FUBP3: variants seen among roughly 807,000 people sequenced by gnomAD.
FUBP3 encodes the protein far upstream element-binding protein 3.
In FUBP3, 28 loss-of-function variants were observed where a neutral mutation model predicts 85.6. The ratio of observed to expected loss-of-function variants is 0.33; its 90% CI spans 0.24 to 0.45. The LOEUF (loss-of-function observed/expected upper bound fraction) is 0.45. FUBP3 is among the 20% of genes least tolerant of loss of function. The pLI, the probability that FUBP3 is intolerant of heterozygous loss-of-function variation, is 1.00. For synonymous variants in FUBP3, 271 were observed against 271.4 expected, an observed-to-expected ratio of 1.00 and a Z score of 0.01; for missense variants, 583 against 755.1, an observed-to-expected ratio of 0.77 and a Z score of 2.67.
chr9:130,631,536 G>A (rs1189086094), intron 13 of FUBP3, 21 bp from the exon 14 acceptor site: 37 of 1,600,524 alleles, frequency 2.3e-5, no homozygotes, highest in Non-Finnish European at 3.2e-5. Context: ...GCGGGTGAGA[G>A]CTCCCTCTGT....
At chr9:130,594,446 G>C (rs999706087) in intron 1 of FUBP3, among the ~76,000 whole-genome samples, 19 of 152,134 alleles carry the variant, frequency 1.2e-4, no homozygotes, top group African/African-American at 4.6e-4. Context: ...AGCCGGGCGT[G>C]GTGGTGCATG....
intron 8 of FUBP3, 23 bp downstream of exon 8, chr9:130,617,918 G>A (rs1330979027): frequency 5.0e-6 from 6 of 1,193,552 alleles, no homozygotes; most frequent in East Asian, 2.3e-5. Flanking sequence ...CATGGGTTGG[G>A]TGAGTCCTGG....
chr9:130,629,942 A>G (rs552300366), intron 12 of FUBP3, among the ~76,000 whole-genome samples: 1 of 152,350 alleles, frequency 6.6e-6, no homozygotes, highest in Non-Finnish European at 1.5e-5. Flanking sequence ...CGCAAATTTC[A>G]TTAAGAGACT....
chr9:130,590,668 A>G (rs1200294384), intron 1 of FUBP3, among the ~76,000 whole-genome samples: 4 of 152,030 alleles, frequency 2.6e-5, no homozygotes, highest in African/African-American at 7.3e-5. Flanking sequence ...TTAAGTAACT[A>G]CTGTTTAAAA....
At position 130,636,994 on chromosome 9, in the gene FUBP3, C is replaced by T. The variant is rs765225778; in HGVS notation, c.1711-20C>T. The T allele has an allele frequency of 5.6e-6, 9 of 1,611,442 alleles. No individual in the cohort carries two copies. Among genetic ancestry groups the T allele is most frequent in the Non-Finnish European group, 7.6e-6 (9 of 1,177,604 alleles). On this transcript the variant is annotated intron_variant, in intron 18 of 18. Transcript: ENST00000319725. Reference sequence around the variant, plus strand: ...AGAACCTGCCATCACAGACTAATTCCTCTTCCCTTCCGCCCACAGGAGCAG... The same window carrying T: ...AGAACCTGCCATCACAGACTAATTCTTCTTCCCTTCCGCCCACAGGAGCAG...
intron 2 of FUBP3, among the ~76,000 whole-genome samples, chr9:130,599,842 C>G (rs1831064597): frequency 6.6e-6 from 1 of 152,154 alleles, no homozygotes; most frequent in Non-Finnish European, 1.5e-5. Context: ...CTCCAGTAAC[C>G]AGGGAGGTGC....
At chr9:130,599,837 G>A (rs1411961039) in intron 2 of FUBP3, among the ~76,000 whole-genome samples, 2 of 152,094 alleles carry the variant, frequency 1.3e-5, no homozygotes, top group Non-Finnish European at 2.9e-5. Context: ...CATTCCTCCA[G>A]TAACCAGGGA....
intron 2 of FUBP3, among the ~76,000 whole-genome samples, chr9:130,605,149 A>G (rs1257712261): frequency 6.6e-6 from 1 of 152,236 alleles, no homozygotes; most frequent in Non-Finnish European, 1.5e-5. Context: ...CTATGAATAT[A>G]CTATCATAGA....
intron 1 of FUBP3, among the ~76,000 whole-genome samples, chr9:130,583,183 ATT>A (rs1830205860): frequency 6.6e-6 from 1 of 152,148 alleles, no homozygotes; most frequent in Non-Finnish European, 1.5e-5. Flanking sequence ...ACTGGCACCT[ATT>A]TTGGGGAAAT....
chr9:130,628,999 C>T (rs1389837900), intron 12 of FUBP3, among the ~76,000 whole-genome samples: 1 of 152,200 alleles, frequency 6.6e-6, no homozygotes, highest in African/African-American at 2.4e-5. Flanking sequence ...GAACTCCCAA[C>T]CTCAGGTGAT....
chr9:130,587,076 G>T (rs2313604), intron 1 of FUBP3, among the ~76,000 whole-genome samples: 98,020 of 141,382 alleles, frequency 0.69, 34,675 homozygotes, highest in East Asian at 0.92. Context: ...TTGTTTGTTT[G>T]TTTTTTTGAG....
intron 1 of FUBP3, among the ~76,000 whole-genome samples, chr9:130,593,239 TA>T (rs1390290180): frequency 1.3e-5 from 2 of 152,222 alleles, no homozygotes; most frequent in Non-Finnish European, 2.9e-5. Flanking sequence ...TGGTAATGCT[TA>T]TCACCTGCTG....
chr9:130,608,513 G>A (rs372280930), intron 2 of FUBP3, among the ~76,000 whole-genome samples: 17 of 152,300 alleles, frequency 1.1e-4, no homozygotes, highest in Non-Finnish European at 1.5e-4. Context: ...CTGAGTCTGT[G>A]GTGAGGATTT....
chr9:130,605,329 G>A (rs1831366895), intron 2 of FUBP3, among the ~76,000 whole-genome samples: 1 of 152,200 alleles, frequency 6.6e-6, no homozygotes, highest in African/African-American at 2.4e-5. Context: ...CTGTCACAGT[G>A]CTCAGCACCT....
intron 2 of FUBP3, among the ~76,000 whole-genome samples, chr9:130,602,976 A>C (rs1168382696): frequency 6.6e-6 from 1 of 151,850 alleles, no homozygotes; most frequent in Non-Finnish European, 1.5e-5. Flanking sequence ...GGGTGGAAAA[A>C]TCCCCAAGCA....
At chr9:130,628,102 GCGCACA>G (rs1481289477) in intron 12 of FUBP3, among the ~76,000 whole-genome samples, 1 of 87,288 alleles carries the variant, frequency 1.1e-5, no homozygotes. Flanking sequence ...ACGCACGCAC[GCGCACA>G]CACACACACA....
rs1339980730 is a variant in FUBP3 at position 130,635,941 on chromosome 9, G to C, written c.1583-58G>C. 13 of 1,561,526 alleles carry C rather than the reference G, an allele frequency of 8.3e-6. No individual in the cohort carries two copies. The Admixed American group carries it at 2.0e-4, about 23-fold the overall frequency. ...GCAGATGCCCAGGGCCTTTGGGAAG[G>C]GTCCTGCCCAGTGCACCTCCGCTCC... On this transcript the variant is annotated intron_variant, in intron 17 of 18. Transcript: ENST00000319725. The surrounding 1 kb of genome is among the most constrained non-coding windows in gnomAD (Gnocchi z 4.3).
At chr9:130,608,334 G>C (rs1396359588) in intron 2 of FUBP3, among the ~76,000 whole-genome samples, 1 of 152,194 alleles carries the variant, frequency 6.6e-6, no homozygotes, top group African/African-American at 2.4e-5. Flanking sequence ...GGGGAATTCT[G>C]ATAGCAATCA....
intron 3 of FUBP3, among the ~76,000 whole-genome samples, chr9:130,610,646 T>G (rs1831696939): frequency 6.6e-6 from 1 of 152,150 alleles, no homozygotes; most frequent in Admixed American, 6.5e-5. Context: ...CAGGGAAAAA[T>G]ATACAAGAAA....
Sources: gnomAD v4.1 joint callset for allele counts (sites outside exome capture counted in the v4.1 genomes callset) on GRCh38, gnomAD v4.1.1 for gene constraint, Gnocchi (gnomAD v3.1) non-coding constraint, MANE v1.5 for transcripts, NCBI Gene and HGNC (gene_info 2026-07-23, HGNC 2026-07-21) for gene names.